The following CYYR1 variants were observed in gnomAD, a reference collection of about 807,000 sequenced individuals.
CYYR1 encodes cysteine and tyrosine rich 1.
A neutral mutation model predicts 15.2 loss-of-function variants in CYYR1; 14 were observed. The ratio of observed to expected loss-of-function variants is 0.92; its 90% confidence interval spans 0.61 to 1.44. The LOEUF (loss-of-function observed/expected upper bound fraction) is 1.44, where lower values mean the gene tolerates loss of function less well. Among genes scored for constraint, CYYR1 ranks in the 40% most tolerant of loss-of-function variants. The pLI is 0.00. For synonymous variants in CYYR1, 80 were observed against 77.4 expected, an observed-to-expected ratio of 1.03 and a Z score of -0.18; for missense variants, 228 against 209.5, an observed-to-expected ratio of 1.09 and a Z score of -0.54.
chr21:26,540,306 A>G (rs1978455827), intron 2 of CYYR1, among the ~76,000 whole-genome samples: 1 of 152,196 alleles, frequency 6.6e-6, no homozygotes, highest in East Asian at 1.9e-4. Flanking sequence ...AAGGAAATGG[A>G]ACTGAGTAGC....
chr21:26,519,940 T>C (rs928798496), intron 2 of CYYR1, among the ~76,000 whole-genome samples: 5 of 151,918 alleles, frequency 3.3e-5, no homozygotes, highest in Non-Finnish European at 5.9e-5. Context: ...TGTATGTTCA[T>C]TGCAGCACTA....
intron 2 of CYYR1, among the ~76,000 whole-genome samples, chr21:26,559,779 T>C (rs1980072340): frequency 6.6e-6 from 1 of 152,194 alleles, no homozygotes; most frequent in African/African-American, 2.4e-5. Flanking sequence ...TATACGTCAG[T>C]CAGTTTCTAA....
chr21:26,540,806 C>G (rs540085481), intron 2 of CYYR1, among the ~76,000 whole-genome samples: 74 of 152,204 alleles, frequency 4.9e-4, no homozygotes, highest in African/African-American at 1.8e-3. Flanking sequence ...ATTAAATAAA[C>G]TGATCCTGAA....
chr21:26,521,606 G>A (rs555776101), intron 2 of CYYR1, among the ~76,000 whole-genome samples: 6 of 152,286 alleles, frequency 3.9e-5, no homozygotes, highest in African/African-American at 1.4e-4. Flanking sequence ...ACTAAGGAAA[G>A]AATTCATGAT....
intron 2 of CYYR1, among the ~76,000 whole-genome samples, chr21:26,524,198 A>G (rs2123573628): frequency 6.6e-6 from 1 of 152,290 alleles, no homozygotes; most frequent in Admixed American, 6.5e-5. Flanking sequence ...ATGTAGGTAT[A>G]TGTATTTAGA....
chr21:26,480,164 T>C (rs1048056184), intron 3 of CYYR1, 108 bp downstream of exon 3: 3 of 1,130,618 alleles, frequency 2.7e-6, no homozygotes, highest in Non-Finnish European at 3.7e-6. Flanking sequence ...AAATACTCTA[T>C]GAAATTGAAG....
intron 2 of CYYR1, among the ~76,000 whole-genome samples, chr21:26,556,491 C>T (rs1979790739): frequency 6.6e-6 from 1 of 152,072 alleles, no homozygotes; most frequent in Admixed American, 6.5e-5. Context: ...GAAGAAATAC[C>T]TGAGACTGGG....
chr21:26,512,528 G>T (rs1213355550), intron 2 of CYYR1, among the ~76,000 whole-genome samples: 2 of 152,048 alleles, frequency 1.3e-5, no homozygotes, highest in African/African-American at 4.8e-5. Flanking sequence ...GTGTCAGCAC[G>T]CTACATCCTA....
rs535774768 is a variant in CYYR1, at chr21:26,567,797, C to T, written c.74-1429G>A. Among the ~76,000 whole-genome samples the T allele has an allele frequency of 1.5e-4, 23 of 152,330 alleles. No homozygotes were observed. In the South Asian group the frequency reaches 4.8e-3, roughly 32 times the overall value. On this transcript the variant is annotated intron_variant, in intron 1 of 3. Transcript: ENST00000652641. Reference sequence around the variant, plus strand: ...TGATTTATCCAGAAAGGAAATTTTACATTGCTTTTAAATCACTTCCCTGCT... The same window carrying T: ...TGATTTATCCAGAAAGGAAATTTTATATTGCTTTTAAATCACTTCCCTGCT...
chr21:26,508,131 G>C (rs141821595), intron 2 of CYYR1, among the ~76,000 whole-genome samples: 25 of 152,320 alleles, frequency 1.6e-4, no homozygotes, highest in African/African-American at 5.8e-4. Flanking sequence ...AATATCCCAT[G>C]AGAGGGCATG....
rs1158103839 is a variant in CYYR1 at position 26,466,453 on chromosome 21, G to A, written c.*2048C>T. ...AAATACTCATCTATTGTAGGCTTAT[G>A]GGTTTGTAAAATGCCTTAAGGGAGG... On this transcript the variant is annotated 3_prime_UTR_variant, in exon 4 of 4. Coordinates refer to ENST00000652641, the MANE Select transcript of CYYR1 (RefSeq NM_001320768.2). 6.6e-6 allele frequency: 1 copy of A among 152,120 alleles called. No individual in the cohort carries two copies. The highest frequency in any genetic ancestry group is 1.5e-5 in the Non-Finnish European group (1 of 68,012). The allele number at this position is 152,120 out of a possible 1,614,324, so 9.4% of individuals were successfully genotyped here.
chr21:26,542,277 A>ATGTGTG (rs138562563), intron 2 of CYYR1, among the ~76,000 whole-genome samples: 3 of 128,258 alleles, frequency 2.3e-5, no homozygotes, highest in East Asian at 4.7e-4. Flanking sequence ...GAGAGAGAAT[A>ATGTGTG]TGTGTGTGTG....
intron 2 of CYYR1, among the ~76,000 whole-genome samples, chr21:26,515,631 T>C (rs1262545296): frequency 1.3e-5 from 2 of 152,108 alleles, no homozygotes; most frequent in Non-Finnish European, 2.9e-5. Flanking sequence ...CTGATGTCTT[T>C]ATTCAGAACT....
chr21:26,469,069 G>T (rs2065003074), intron 3 of CYYR1, among the ~76,000 whole-genome samples: 1 of 152,186 alleles, frequency 6.6e-6, no homozygotes. Flanking sequence ...TTTGAACATG[G>T]TAGTGAATAT....
Position 26,477,740 on chromosome 21 carries a change from C to T in CYYR1, c.334+2532G>A, listed in dbSNP as rs2065122996. The T allele has an allele frequency of 3.0e-6, 3 of 984,830 alleles. No individual in the cohort carries two copies. In the South Asian group the frequency reaches 1.4e-4, roughly 46 times the overall value. The allele number at this position is 984,830 out of a possible 1,614,324, so 61.0% of individuals were successfully genotyped here. ...TTATCTGCAAAGCAATTCTTCATACCTTCTCTACAATTAATGTCTTTGCTT... is the reference window on the plus strand; with the variant it reads ...TTATCTGCAAAGCAATTCTTCATACTTTCTCTACAATTAATGTCTTTGCTT... On this transcript the variant is annotated intron_variant, in intron 3 of 3. Coordinates refer to ENST00000652641, the MANE Select transcript of CYYR1 (RefSeq NM_001320768.2).
intron 2 of CYYR1, among the ~76,000 whole-genome samples, chr21:26,505,060 G>A (rs1463765982): frequency 6.6e-6 from 1 of 152,074 alleles, no homozygotes; most frequent in Non-Finnish European, 1.5e-5. Context: ...TTTGAAAGAT[G>A]GTTAAAATAT....
At chr21:26,495,499 A>T (rs1569147495) in intron 2 of CYYR1, among the ~76,000 whole-genome samples, 1 of 152,176 alleles carries the variant, frequency 6.6e-6, no homozygotes, top group Non-Finnish European at 1.5e-5. Flanking sequence ...CTCCAACTGC[A>T]TTGGAGGGTT....
intron 2 of CYYR1, among the ~76,000 whole-genome samples, chr21:26,501,753 A>T (rs2065484478): frequency 6.6e-6 from 1 of 152,132 alleles, no homozygotes; most frequent in Non-Finnish European, 1.5e-5. Context: ...ACTGAATGAA[A>T]ACCTGACAAG....
chr21:26,539,040 G>A (rs951938225), intron 2 of CYYR1, among the ~76,000 whole-genome samples: 19 of 152,172 alleles, frequency 1.2e-4, no homozygotes, highest in African/African-American at 4.3e-4. Context: ...AATGTGATAC[G>A]AAAACAACTG....
Sources: gnomAD v4.1 joint callset for allele counts (sites outside exome capture counted in the v4.1 genomes callset) on GRCh38, gnomAD v4.1.1 for gene constraint, MANE v1.5 for transcripts, NCBI Gene and HGNC (gene_info 2026-07-23, HGNC 2026-07-21) for gene names.